VSNL1: variants seen among roughly 807,000 people sequenced by gnomAD.
VSNL1 encodes visinin like 1.
A neutral mutation model predicts 20.4 loss-of-function variants in VSNL1; 6 were observed. The ratio of observed to expected loss-of-function variants is 0.29; its 90% CI spans 0.16 to 0.58. VSNL1 has a LOEUF of 0.58. VSNL1 is among the 20% of genes least tolerant of loss of function. The pLI is 0.90. For missense variants in VSNL1, 100 were observed against 234.5 expected, an observed-to-expected ratio of 0.43 and a Z score of 3.75; for synonymous variants, 93 against 86.4, an observed-to-expected ratio of 1.08 and a Z score of -0.42.
chr2:17,595,322 A>G (rs887794404), intron 2 of VSNL1, among the ~76,000 whole-genome samples: 21 of 152,200 alleles, frequency 1.4e-4, no homozygotes, highest in Non-Finnish European at 2.6e-4. Context: ...TGACTATGGG[A>G]CAGTCCTGCC....
chr2:17,557,946 T>C (rs1663726751), intron 1 of VSNL1, among the ~76,000 whole-genome samples: 1 of 152,174 alleles, frequency 6.6e-6, no homozygotes, highest in Non-Finnish European at 1.5e-5. Flanking sequence ...CCTACAACTC[T>C]ATGTGCTTCT....
At chr2:17,592,622 C>CTT (rs1664615749) in intron 2 of VSNL1, among the ~76,000 whole-genome samples, 1 of 114,690 alleles carries the variant, frequency 8.7e-6, no homozygotes, top group Non-Finnish European at 1.8e-5. Flanking sequence ...CACAAGAGGG[C>CTT]TTTTTCTCTC....
At chr2:17,654,519 A>G (rs1008228672) in intron 3 of VSNL1, among the ~76,000 whole-genome samples, 1 of 152,110 alleles carries the variant, frequency 6.6e-6, no homozygotes, top group African/African-American at 2.4e-5. Context: ...TTTAAAACTG[A>G]GCCCATCATG....
At chr2:17,621,952 G>A (rs986176410) in intron 2 of VSNL1, among the ~76,000 whole-genome samples, 20 of 152,198 alleles carry the variant, frequency 1.3e-4, no homozygotes, top group Admixed American at 5.2e-4. Flanking sequence ...CCAGGGGAGC[G>A]TCCTGATTTT....
chr2:17,636,975 A>T (rs545742107), intron 2 of VSNL1, among the ~76,000 whole-genome samples: 329 of 152,306 alleles, frequency 2.2e-3, no homozygotes, highest in African/African-American at 7.5e-3. Context: ...ACAGGCAGAG[A>T]AACTGAGGCA....
chr2:17,613,342 A>T (rs1401156287), intron 2 of VSNL1, among the ~76,000 whole-genome samples: 1 of 152,236 alleles, frequency 6.6e-6, no homozygotes, highest in African/African-American at 2.4e-5. Flanking sequence ...AGTTACTTGG[A>T]AAAAGTACAG....
intron 1 of VSNL1, among the ~76,000 whole-genome samples, chr2:17,562,649 C>T (rs1663845135): frequency 6.6e-6 from 1 of 152,176 alleles, no homozygotes; most frequent in Non-Finnish European, 1.5e-5. Context: ...GATGTACCTA[C>T]CTCTAAACGT....
chr2:17,571,070 A>G (rs1165126090), intron 1 of VSNL1, among the ~76,000 whole-genome samples: 1 of 152,194 alleles, frequency 6.6e-6, no homozygotes, highest in African/African-American at 2.4e-5. Flanking sequence ...TAAACTGGTA[A>G]TATTTCCCTT....
chr2:17,568,690 T>G (rs1231871571), intron 1 of VSNL1, among the ~76,000 whole-genome samples: 2 of 152,212 alleles, frequency 1.3e-5, no homozygotes, highest in Non-Finnish European at 2.9e-5. Flanking sequence ...CATCGTTGCT[T>G]CTTACAACTA....
At chr2:17,582,752 G>C (rs1192399154) in intron 1 of VSNL1, among the ~76,000 whole-genome samples, 1 of 151,628 alleles carries the variant, frequency 6.6e-6, no homozygotes, top group East Asian at 2.0e-4. Context: ...AGTTTGATGT[G>C]GTGGTAGAAT....
intron 2 of VSNL1, among the ~76,000 whole-genome samples, chr2:17,633,570 AG>A (rs1665686356): frequency 6.6e-6 from 1 of 152,078 alleles, no homozygotes; most frequent in Non-Finnish European, 1.5e-5. Flanking sequence ...TGGATCTAGC[AG>A]AGGCCACCTT....
intron 2 of VSNL1, among the ~76,000 whole-genome samples, chr2:17,646,680 T>C (rs1316668759): frequency 6.6e-6 from 1 of 152,256 alleles, no homozygotes; most frequent in Admixed American, 6.5e-5. Flanking sequence ...AGATTATTAC[T>C]GCCATCGAAT....
At chr2:17,548,510 G>C (rs1663451636) in intron 1 of VSNL1, among the ~76,000 whole-genome samples, 1 of 152,066 alleles carries the variant, frequency 6.6e-6, no homozygotes, top group Non-Finnish European at 1.5e-5. Context: ...TTTTCTCACT[G>C]GTGAAAATAG....
intron 1 of VSNL1, among the ~76,000 whole-genome samples, chr2:17,570,371 C>A (rs1001453535): frequency 6.6e-5 from 10 of 152,152 alleles, no homozygotes; most frequent in Non-Finnish European, 1.5e-4. Flanking sequence ...TGAACGTGTG[C>A]TCCAAGAAAC....
At chr2:17,585,753 G>A (rs1664458402) in intron 1 of VSNL1, among the ~76,000 whole-genome samples, 1 of 151,792 alleles carries the variant, frequency 6.6e-6, no homozygotes, top group Admixed American at 6.6e-5. Context: ...GGAGCCTACA[G>A]GCAAATCTTT....
At chr2:17,648,028 A>G (rs560530725) in intron 2 of VSNL1, among the ~76,000 whole-genome samples, 1 of 152,316 alleles carries the variant, frequency 6.6e-6, no homozygotes, top group South Asian at 2.1e-4. Context: ...TCAAATGTTT[A>G]TTTCGTGAGA....
chr2:17,632,410 C>T (rs559130417), intron 2 of VSNL1, among the ~76,000 whole-genome samples: 1 of 152,282 alleles, frequency 6.6e-6, no homozygotes, highest in African/African-American at 2.4e-5. Context: ...AAGTGATTCT[C>T]CTGACTCAGC....
intron 1 of VSNL1, among the ~76,000 whole-genome samples, chr2:17,568,582 C>T (rs745476338): frequency 1.3e-5 from 2 of 152,188 alleles, no homozygotes; most frequent in Non-Finnish European, 2.9e-5. Context: ...CCCCATCATT[C>T]ATGTCATTGC....
chr2:17,596,800 T>C (rs1171231529), intron 2 of VSNL1, among the ~76,000 whole-genome samples: 2 of 152,166 alleles, frequency 1.3e-5, no homozygotes, highest in African/African-American at 2.4e-5. Flanking sequence ...CTGTGTTACA[T>C]TTACCAAATC....
Sources: gnomAD v4.1 joint callset for allele counts (sites outside exome capture counted in the v4.1 genomes callset) on GRCh38, gnomAD v4.1.1 for gene constraint, MANE v1.5 for transcripts, NCBI Gene and HGNC (gene_info 2026-07-23, HGNC 2026-07-21) for gene names.